The following FOCAD variants were observed in gnomAD, a reference collection of about 807,000 sequenced individuals.
The protein encoded by FOCAD is focadhesin, also known as KIAA1797.
Under a neutral mutation model 225.6 loss-of-function variants are expected in FOCAD, and 198 were observed. The observed-to-expected ratio is 0.88, with a 90% confidence interval of 0.78 to 0.99. FOCAD has a LOEUF of 0.99. Ranked by LOEUF, FOCAD falls within the 50% of genes least tolerant of loss-of-function variation. The pLI, the probability that FOCAD is intolerant of heterozygous loss-of-function variation, is 0.00. For synonymous variants in FOCAD, 897 were observed against 755.0 expected, an observed-to-expected ratio of 1.19 and a Z score of -3.08; for missense variants, 2,713 against 2,123.6, an observed-to-expected ratio of 1.28 and a Z score of -5.46.
intron 27 of FOCAD, among the ~76,000 whole-genome samples, chr9:20,932,741 G>C (rs1835597180): frequency 6.6e-6 from 1 of 152,122 alleles, no homozygotes; most frequent in African/African-American, 2.4e-5. Context: ...CTTAAAATTT[G>C]AACAGGCTAA....
At chr9:20,747,424 A>T (rs1201423723) in intron 5 of FOCAD, among the ~76,000 whole-genome samples, 1 of 152,186 alleles carries the variant, frequency 6.6e-6, no homozygotes, top group Non-Finnish European at 1.5e-5. Context: ...GAAATATTTT[A>T]AATCCCTTTT....
intron 28 of FOCAD, among the ~76,000 whole-genome samples, chr9:20,937,049 C>G (rs1245140278): frequency 6.6e-6 from 1 of 151,500 alleles, no homozygotes; most frequent in Non-Finnish European, 1.5e-5. Context: ...TCAAGGAGAA[C>G]TACAAACCAC....
intron 39 of FOCAD, 22 bp from the exon 40 acceptor site, chr9:20,986,266 A>ATGTTTTTTTTTTTTTTTTTT: frequency 1.4e-6 from 1 of 705,686 alleles, no homozygotes; most frequent in Non-Finnish European, 1.8e-6. Flanking sequence ...TAACTAAACA[A>ATGTTTTTTTTTTTTTTTTTT]TTTTTTTTTT....
chr9:20,726,772 T>C (rs1174624930), intron 4 of FOCAD, among the ~76,000 whole-genome samples: 1 of 152,180 alleles, frequency 6.6e-6, no homozygotes, highest in Non-Finnish European at 1.5e-5. Flanking sequence ...TCTCTTTTAT[T>C]GATGACCCTG....
chr9:20,758,819 G>A (rs1390243605), intron 6 of FOCAD, among the ~76,000 whole-genome samples: 9 of 152,162 alleles, frequency 5.9e-5, no homozygotes, highest in Non-Finnish European at 1.2e-4. Context: ...AAAAGAGGAA[G>A]TCAAATTGTC....
intron 4 of FOCAD, among the ~76,000 whole-genome samples, chr9:20,721,820 TTG>T: frequency 6.6e-6 from 1 of 151,888 alleles, no homozygotes; most frequent in South Asian, 2.1e-4. Context: ...GATCATTTCT[TTG>T]TGTCTTTTTG....
At chr9:20,859,041 G>A (rs1338858827) in intron 15 of FOCAD, among the ~76,000 whole-genome samples, 1 of 152,016 alleles carries the variant, frequency 6.6e-6, no homozygotes, top group African/African-American at 2.4e-5. Context: ...TTGCTCCTCA[G>A]CACTTTTAAG....
intron 18 of FOCAD, among the ~76,000 whole-genome samples, chr9:20,868,044 C>T (rs558453487): frequency 2.3e-4 from 35 of 151,946 alleles, no homozygotes; most frequent in Non-Finnish European, 4.0e-4. Context: ...ATAGATTGAC[C>T]GCTTGTCATG....
intron 2 of FOCAD, among the ~76,000 whole-genome samples, chr9:20,668,940 G>T (rs181814488): frequency 1.1e-4 from 16 of 151,872 alleles, no homozygotes; most frequent in African/African-American, 3.1e-4. Flanking sequence ...TTCACGGTTA[G>T]CCTCCCCACC....
At chr9:20,912,551 G>T (rs866793899) in intron 22 of FOCAD, among the ~76,000 whole-genome samples, 8 of 152,102 alleles carry the variant, frequency 5.3e-5, no homozygotes, top group African/African-American at 1.9e-4. Context: ...AACAAAGGCA[G>T]ATCACTAGCA....
intron 5 of FOCAD, among the ~76,000 whole-genome samples, chr9:20,744,849 A>G (rs1184544929): frequency 6.6e-6 from 1 of 152,170 alleles, no homozygotes; most frequent in African/African-American, 2.4e-5. Flanking sequence ...AAACTTTTCA[A>G]AATGTAGGGT....
At chr9:20,699,779 T>TATATATATATATAC (rs1823765522) in intron 1 of FOCAD, among the ~76,000 whole-genome samples, 4 of 54,830 alleles carry the variant, frequency 7.3e-5, no homozygotes, top group African/African-American at 3.5e-4. Flanking sequence ...AAAAAATATA[T>TATATATATATATAC]ATATATATAT....
At chr9:20,948,099 T>TA (rs1248790899) in intron 30 of FOCAD, among the ~76,000 whole-genome samples, 172 bp from the exon 31 acceptor site, 68 of 141,920 alleles carry the variant, frequency 4.8e-4, no homozygotes, top group East Asian at 1.5e-3. Flanking sequence ...CAGTCTAGAT[T>TA]AAAAAAAAAC....
chr9:20,770,395 A>G (rs577570348), intron 8 of FOCAD, among the ~76,000 whole-genome samples, 157 bp downstream of exon 8: 1 of 152,326 alleles, frequency 6.6e-6, no homozygotes, highest in African/African-American at 2.4e-5. Context: ...GGGAGGCCTC[A>G]GGAAACTTAC....
intron 35 of FOCAD, among the ~76,000 whole-genome samples, chr9:20,954,236 A>T (rs1351410933): frequency 6.6e-6 from 1 of 152,216 alleles, no homozygotes. Context: ...TTCATTGTTT[A>T]TGTTACCATA....
intron 27 of FOCAD, among the ~76,000 whole-genome samples, chr9:20,931,212 C>G (rs1835436142): frequency 6.6e-6 from 1 of 152,178 alleles, no homozygotes; most frequent in Non-Finnish European, 1.5e-5. Flanking sequence ...TCTTCCATTC[C>G]TGTCTGTCTG....
intron 1 of FOCAD, among the ~76,000 whole-genome samples, chr9:20,710,255 T>A (rs1824725635): frequency 7.7e-6 from 1 of 130,446 alleles, no homozygotes; most frequent in South Asian, 2.7e-4. Flanking sequence ...TTTTTTTTGC[T>A]GAATAACATG....
chr9:20,820,577 T>C, intron 13 of FOCAD, 152 bp downstream of exon 13: 1 of 611,936 alleles, frequency 1.6e-6, no homozygotes, highest in Non-Finnish European at 2.8e-6. Context: ...TTGTGATGCA[T>C]TTGTAATGCA....
intron 6 of FOCAD, among the ~76,000 whole-genome samples, chr9:20,763,198 A>G (rs1383883111): frequency 6.6e-6 from 1 of 152,218 alleles, no homozygotes; most frequent in East Asian, 1.9e-4. Flanking sequence ...AATTAATTAA[A>G]TGATTGAGCA....
Sources: allele counts gnomAD v4.1 joint callset (sites outside exome capture counted in the v4.1 genomes callset), GRCh38; gene constraint gnomAD v4.1.1; transcripts MANE v1.5; gene names NCBI Gene and HGNC (gene_info 2026-07-23, HGNC 2026-07-21).